Variants in FARS2 observed in about 807,000 individuals in gnomAD.
The protein encoded by FARS2 is phenylalanine--tRNA ligase, mitochondrial.
FARS2 carries 40 observed loss-of-function variants against 46.4 expected under a neutral mutation model. That is an observed-to-expected ratio of 0.86 (90% CI 0.67 to 1.12). FARS2 has a LOEUF of 1.12. Ranked by LOEUF, FARS2 falls within the 50% of genes most tolerant of loss-of-function variation. The pLI is 0.00. For synonymous variants in FARS2, 234 were observed against 214.9 expected (o/e 1.09, Z -0.78); for missense variants, 513 against 567.9 (o/e 0.90, Z 0.98).
chr6:5,305,577 AC>A (rs1311301709), intron 1 of FARS2, among the ~76,000 whole-genome samples: 2 of 152,078 alleles, frequency 1.3e-5, no homozygotes, highest in Non-Finnish European at 2.9e-5. Context: ...ATTGAATGAG[AC>A]CTCCTTGTTT....
chr6:5,319,644 C>G (rs1769824503), intron 1 of FARS2, among the ~76,000 whole-genome samples: 1 of 152,204 alleles, frequency 6.6e-6, no homozygotes, highest in South Asian at 2.1e-4. Context: ...AATAAACTCT[C>G]ACTCCTGCTC....
intron 4 of FARS2, among the ~76,000 whole-genome samples, chr6:5,489,928 TAA>T (rs1275704729): frequency 6.6e-6 from 1 of 152,240 alleles, no homozygotes; most frequent in Non-Finnish European, 1.5e-5. Context: ...TTACGTAAAA[TAA>T]AAGTCTTTCA....
In FARS2 at chr6:5,457,427, G is replaced by T. The variant is rs1481963663; in HGVS notation, c.904+26255G>T. Among the ~76,000 whole-genome samples the T allele has an allele frequency of 1.3e-5, 2 of 152,182 alleles. 1 individual carries two copies. The highest frequency in any genetic ancestry group is 2.9e-5 in the Non-Finnish European group (2 of 68,024). On this transcript the variant is annotated intron_variant, in intron 4 of 6. Transcript: ENST00000274680. ...GGGGGAAGGGCTGGCCGACGTTTTT[G>T]ATCTTGTTTTCCGTGCCTATCACAA...
intron 6 of FARS2, among the ~76,000 whole-genome samples, chr6:5,621,082 G>C (rs1209517278): frequency 6.6e-6 from 1 of 152,118 alleles, no homozygotes; most frequent in Non-Finnish European, 1.5e-5. Context: ...ATTGCTGTGG[G>C]GTCATAAGGG....
chr6:5,558,077 A>G (rs1045253579), intron 5 of FARS2, among the ~76,000 whole-genome samples: 8 of 151,996 alleles, frequency 5.3e-5, no homozygotes, highest in Admixed American at 4.6e-4. Context: ...GTTCATATTA[A>G]CGTTCTAGGG....
At chr6:5,459,376 T>A (rs1019842403) in intron 4 of FARS2, among the ~76,000 whole-genome samples, 22 of 123,888 alleles carry the variant, frequency 1.8e-4, no homozygotes, top group Non-Finnish European at 3.7e-4. Context: ...AAGCAATTTA[T>A]GATTTTTTTT....
rs9328296 is a variant in FARS2, at chr6:5,315,738, T to C, written c.-21-52812T>C. Among the ~76,000 whole-genome samples the C allele has an allele frequency of 6.8e-3, 846 of 124,844 alleles. 39 individuals are homozygous for C. The highest frequency in any genetic ancestry group is 0.025 in the South Asian group (94 of 3,834). 81.9% of individuals were successfully genotyped at this position (124,844 alleles called of 152,430 possible). ...TTTCTCTTTCTTTCTTTCTTTCTTT[T>C]TTCCTTTCTTTCTTTCTTTCTTTTT... On this transcript the variant is annotated intron_variant, in intron 1 of 6. Transcript: ENST00000274680.
rs138558741 is a variant in FARS2, at chr6:5,552,726, C to T, written c.1065+7386C>T. 2.0e-3 allele frequency among the ~76,000 whole-genome samples: 304 copies of T among 152,324 alleles called. 1 individual carries two copies. The highest frequency in any genetic ancestry group is 7.1e-3 in the African/African-American group (296 of 41,566). ...TTTGAATTAAGTGCTTTGCCTACCA[C>T]GGCTTTCTTTAACCAACCTGGATCT... On this transcript the variant is annotated intron_variant, in intron 5 of 6. Transcript: ENST00000274680.
chr6:5,351,724 AGAT>A (rs757095677), intron 1 of FARS2, among the ~76,000 whole-genome samples: 31 of 152,360 alleles, frequency 2.0e-4, no homozygotes, highest in Admixed American at 3.3e-4. Context: ...TACAAAATAA[AGAT>A]GATATCATGA....
At chr6:5,569,466 C>A (rs905952918) in intron 5 of FARS2, among the ~76,000 whole-genome samples, 5 of 152,046 alleles carry the variant, frequency 3.3e-5, no homozygotes, top group African/African-American at 1.2e-4. Context: ...CTCAACTGAT[C>A]CACCCACCTC....
At chr6:5,667,342 AC>A (rs140047296) in intron 6 of FARS2, among the ~76,000 whole-genome samples, 5,507 of 152,070 alleles carry the variant, frequency 0.036, 125 homozygotes, top group Non-Finnish European at 0.04. Flanking sequence ...ATATGGAGAA[AC>A]CCCATCGCTA....
chr6:5,548,808 T>C (rs1004614666), intron 5 of FARS2, among the ~76,000 whole-genome samples: 1 of 152,230 alleles, frequency 6.6e-6, no homozygotes, highest in Non-Finnish European at 1.5e-5. Flanking sequence ...AGCCAATATA[T>C]GCATACCTGC....
intron 2 of FARS2, among the ~76,000 whole-genome samples, chr6:5,374,272 G>A (rs1232065282): frequency 1.3e-5 from 2 of 151,982 alleles, no homozygotes; most frequent in East Asian, 3.9e-4. Context: ...AAGACTGAAG[G>A]AAAACACTGG....
At chr6:5,760,764 C>T (rs556993843) in intron 6 of FARS2, among the ~76,000 whole-genome samples, 2 of 152,360 alleles carry the variant, frequency 1.3e-5, no homozygotes, top group Admixed American at 6.5e-5. Flanking sequence ...GCAGAAAGGG[C>T]TTTTCCTCTG....
intron 4 of FARS2, among the ~76,000 whole-genome samples, chr6:5,433,498 C>T (rs1763348848): frequency 6.6e-6 from 1 of 152,174 alleles, no homozygotes; most frequent in Admixed American, 6.5e-5. Flanking sequence ...GACCTGTAGT[C>T]ATGTCTGTGT....
rs751930346 is a variant in FARS2, at chr6:5,616,835, G to A, written c.1217+3515G>A. On this transcript the variant is annotated intron_variant, in intron 6 of 6. Transcript: ENST00000274680. ...TGGCCGTAGCTTCACCCTTGCCAGC[G>A]TCAAAAGTGGGATGAGTAACCCTTT... 1.1e-4 allele frequency among the ~76,000 whole-genome samples: 17 copies of A among 152,154 alleles called. 1 individual carries two copies. The highest frequency in any genetic ancestry group is 4.2e-4 in the South Asian group (2 of 4,816).
chr6:5,711,613 T>A (rs1473588118), intron 6 of FARS2, among the ~76,000 whole-genome samples: 1 of 152,040 alleles, frequency 6.6e-6, no homozygotes, highest in Non-Finnish European at 1.5e-5. Flanking sequence ...CAAAAAAGAA[T>A]CCCATAACCC....
At chr6:5,647,709 CGTG>C (rs1293745736) in intron 6 of FARS2, among the ~76,000 whole-genome samples, 1 of 152,300 alleles carries the variant, frequency 6.6e-6, no homozygotes, top group Admixed American at 6.5e-5. Flanking sequence ...CAAAATAAAA[CGTG>C]GTGATGGGGA....
chr6:5,472,222 G>C (rs1765845475), intron 4 of FARS2, among the ~76,000 whole-genome samples: 1 of 152,166 alleles, frequency 6.6e-6, no homozygotes, highest in African/African-American at 2.4e-5. Context: ...ATGTCACTGG[G>C]GTTTAGCAGG....
Sources: gnomAD v4.1 joint callset for allele counts (sites outside exome capture counted in the v4.1 genomes callset) on GRCh38, gnomAD v4.1.1 for gene constraint, MANE v1.5 for transcripts, NCBI Gene and HGNC (gene_info 2026-07-23, HGNC 2026-07-21) for gene names.